Variants in UGT1A7 observed in about 807,000 individuals in gnomAD.
UGT1A7 encodes UDP-glucuronosyltransferase 1A7.
In UGT1A7, 33 loss-of-function variants were observed where a neutral mutation model predicts 45.6. That is an observed-to-expected ratio of 0.72 (90% CI 0.55 to 0.97). The LOEUF is 0.97. UGT1A7 is among the 50% of genes least tolerant of loss of function. UGT1A7 has a pLI of 0.00. For synonymous variants in UGT1A7, 274 were observed against 250.6 expected, an observed-to-expected ratio of 1.09 and a Z score of -0.88; for missense variants, 684 against 666.2, an observed-to-expected ratio of 1.03 and a Z score of -0.29.
chr2:233,767,408 G>A (rs1042627267), intron 2 of UGT1A7, among the ~76,000 whole-genome samples: 3 of 152,112 alleles, frequency 2.0e-5, no homozygotes, highest in Non-Finnish European at 2.9e-5. Flanking sequence ...TTCTCTAAGA[G>A]ACTCAAAAGT....
In UGT1A7 at chr2:233,772,599, C is replaced by G. The variant is rs1313882407; in HGVS notation, c.*40C>G. 1 of 1,591,492 alleles carries G rather than the reference C, an allele frequency of 6.3e-7. No homozygotes were observed. Among genetic ancestry groups the G allele is most frequent in the Admixed American group, 1.8e-5 (1 of 56,352 alleles). On this transcript the variant is annotated 3_prime_UTR_variant, in exon 5 of 5. Transcript: ENST00000373426. Reference sequence around the variant, plus strand: ...ATAAGGTAAAATTTTGAACCATTCCCTAGTCATTTCCAAACTTGAAAACAG... The same window carrying G: ...ATAAGGTAAAATTTTGAACCATTCCGTAGTCATTTCCAAACTTGAAAACAG...
intron 1 of UGT1A7, among the ~76,000 whole-genome samples, chr2:233,737,586 G>T (rs1642090076): frequency 6.6e-6 from 1 of 152,172 alleles, no homozygotes; most frequent in African/African-American, 2.4e-5. Flanking sequence ...CAGTCCCAAT[G>T]AGATGAACCA....
intron 1 of UGT1A7, among the ~76,000 whole-genome samples, chr2:233,758,016 C>T (rs917731402): frequency 6.6e-6 from 1 of 152,144 alleles, no homozygotes; most frequent in African/African-American, 2.4e-5. Context: ...GAGTTTGTCT[C>T]TGTCTACCTG....
chr2:233,728,804 G>A (rs2077751761), intron 1 of UGT1A7, among the ~76,000 whole-genome samples: 1 of 152,198 alleles, frequency 6.6e-6, no homozygotes, highest in African/African-American at 2.4e-5. Context: ...AGAAGTAGGA[G>A]ACAGTGACAT....
In UGT1A7 at chr2:233,755,218, C is replaced by T. The variant is rs1203897935; in HGVS notation, c.856-11816C>T. 1.4e-5 allele frequency: 14 copies of T among 1,027,208 alleles called. No individual in the cohort carries two copies. In the South Asian group the frequency reaches 1.5e-4, roughly 11 times the overall value. 63.6% of individuals were successfully genotyped at this position (1,027,208 alleles called of 1,614,324 possible). ...AGCTTGCGGTACGCCTTCTTGATACCCTCGGACGAGGCCTACCGGGGTACT... is the reference window on the plus strand; with the variant it reads ...AGCTTGCGGTACGCCTTCTTGATACTCTCGGACGAGGCCTACCGGGGTACT... On this transcript the variant is annotated intron_variant, in intron 1 of 4. Transcript: ENST00000373426.
intron 1 of UGT1A7, chr2:233,743,523 T>A (rs1440722806): frequency 7.3e-7 from 1 of 1,367,212 alleles, no homozygotes; most frequent in Non-Finnish European, 9.8e-7. Context: ...TGCTTCTGCT[T>A]CCCCAGCAGT....
intron 4 of UGT1A7, among the ~76,000 whole-genome samples, chr2:233,771,927 C>A (rs1388593829): frequency 6.6e-6 from 1 of 152,006 alleles, no homozygotes; most frequent in African/African-American, 2.4e-5. Context: ...ACAGCCTGGG[C>A]AACACAATAA....
chr2:233,683,088 T>C (rs1486905102), intron 1 of UGT1A7, among the ~76,000 whole-genome samples: 3 of 152,330 alleles, frequency 2.0e-5, no homozygotes, highest in East Asian at 1.9e-4. Context: ...CTTCCCTTTT[T>C]TTGCTAATTC....
intron 1 of UGT1A7, chr2:233,747,471 G>T (rs1218539477): frequency 6.2e-7 from 1 of 1,608,714 alleles, no homozygotes; most frequent in African/African-American, 1.3e-5. Flanking sequence ...ATGGACCCAG[G>T]ATGAATTTGA....
At chr2:233,757,176 AG>A (rs1350201754) in intron 1 of UGT1A7, among the ~76,000 whole-genome samples, 4 of 151,300 alleles carry the variant, frequency 2.6e-5, no homozygotes, top group Non-Finnish European at 5.9e-5. Flanking sequence ...TTTGAGAGCA[AG>A]GCAGAGGACT....
intron 1 of UGT1A7, chr2:233,729,470 C>T (rs746048603): frequency 1.9e-6 from 3 of 1,614,122 alleles, no homozygotes; most frequent in Admixed American, 1.7e-5. Flanking sequence ...AGAAGTATGG[C>T]AATGTTGAAC....
intron 1 of UGT1A7, among the ~76,000 whole-genome samples, chr2:233,757,216 G>A (rs1430883014): frequency 6.9e-6 from 1 of 145,650 alleles, no homozygotes; most frequent in Non-Finnish European, 1.5e-5. Context: ...GGAAGCTGCT[G>A]ACCAAGGTTC....
At chr2:233,705,805 A>G (rs752228556) in intron 1 of UGT1A7, among the ~76,000 whole-genome samples, 1 of 152,190 alleles carries the variant, frequency 6.6e-6, no homozygotes, top group Admixed American at 6.5e-5. Flanking sequence ...TTCAAAAATT[A>G]TTAAGAATTT....
chr2:233,747,429 A>G, intron 1 of UGT1A7: 8 of 1,608,684 alleles, frequency 5.0e-6, no homozygotes, highest in Non-Finnish European at 6.8e-6. Context: ...CAAACAAGAG[A>G]AATTTTTCAC....
chr2:233,717,924 T>C (rs776585493), intron 1 of UGT1A7: 6 of 454,714 alleles, frequency 1.3e-5, no homozygotes, highest in South Asian at 3.1e-5. Context: ...GATGAATGGA[T>C]ACTTCAGTCT....
At chr2:233,696,823 G>A (rs1055061621) in intron 1 of UGT1A7, among the ~76,000 whole-genome samples, 3 of 152,150 alleles carry the variant, frequency 2.0e-5, no homozygotes, top group Non-Finnish European at 4.4e-5. Context: ...TATTGAGAGT[G>A]TGTATCATAA....
intron 1 of UGT1A7, among the ~76,000 whole-genome samples, chr2:233,694,626 C>T (rs2075230787): frequency 6.6e-6 from 1 of 152,172 alleles, no homozygotes; most frequent in Non-Finnish European, 1.5e-5. Context: ...ATCTTTTATG[C>T]CTCAATTTTC....
At chr2:233,715,882 C>G (rs576558461) in intron 1 of UGT1A7, among the ~76,000 whole-genome samples, 42 of 152,296 alleles carry the variant, frequency 2.8e-4, no homozygotes, top group African/African-American at 9.9e-4. Flanking sequence ...CCTGTGGCCC[C>G]AGCTACTTGG....
At chr2:233,688,922 G>T (rs1298474821) in intron 1 of UGT1A7, among the ~76,000 whole-genome samples, 3 of 152,188 alleles carry the variant, frequency 2.0e-5, no homozygotes, top group Admixed American at 6.5e-5. Context: ...GCCAAGCAGG[G>T]AAGATGGCAG....
Sources: gnomAD v4.1 joint callset for allele counts (sites outside exome capture counted in the v4.1 genomes callset) on GRCh38, gnomAD v4.1.1 for gene constraint, MANE v1.5 for transcripts, NCBI Gene and HGNC (gene_info 2026-07-23, HGNC 2026-07-21) for gene names.